ZNF536: variants seen among roughly 807,000 people sequenced by gnomAD.
ZNF536 encodes zinc finger protein 536.
ZNF536 carries 13 observed loss-of-function variants against 84.5 expected under a neutral mutation model. The observed-to-expected ratio is 0.15, with a 90% CI of 0.10 to 0.24. The LOEUF is 0.24. Ranked by LOEUF, ZNF536 falls within the 10% of genes least tolerant of loss-of-function variation. The pLI, the probability that ZNF536 is intolerant of heterozygous loss-of-function variation, is 1.00. For missense variants in ZNF536, 1,536 were observed against 1,747.5 expected (o/e 0.88, Z 2.16); for synonymous variants, 811 against 742.5 (o/e 1.09, Z -1.50).
intron 2 of ZNF536, among the ~76,000 whole-genome samples, chr19:30,458,447 GTTTT>G (rs3084731): frequency 1.2e-4 from 10 of 83,486 alleles, no homozygotes; most frequent in South Asian, 4.3e-4. Context: ...ATTTCCTGCT[GTTTT>G]TTTTTTTTTT....
chr19:30,399,811 C>T (rs2049974357), intron 1 of ZNF536, among the ~76,000 whole-genome samples: 2 of 151,846 alleles, frequency 1.3e-5, no homozygotes, highest in South Asian at 4.2e-4. Context: ...CCTCAGCCTC[C>T]CAAGTAGCTG....
chr19:30,236,820 G>A (rs1438458994), intron 1 of ZNF536, among the ~76,000 whole-genome samples: 1 of 152,158 alleles, frequency 6.6e-6, no homozygotes, highest in Non-Finnish European at 1.5e-5. Context: ...CTTTGGAGGG[G>A]GGTGGTAGGG....
At chr19:30,272,469 T>A (rs902611236) in intron 1 of ZNF536, among the ~76,000 whole-genome samples, 1 of 152,232 alleles carries the variant, frequency 6.6e-6, no homozygotes, top group Non-Finnish European at 1.5e-5. Flanking sequence ...TCACTCTTTG[T>A]GTTGGACATT....
At chr19:30,231,879 A>G (rs866657486) in intron 1 of ZNF536, among the ~76,000 whole-genome samples, 18 of 152,052 alleles carry the variant, frequency 1.2e-4, no homozygotes, top group Non-Finnish European at 1.5e-5. Flanking sequence ...TTGTTCTGAG[A>G]TGATTTCCTT....
chr19:30,495,861 G>A (rs905735035), intron 2 of ZNF536, among the ~76,000 whole-genome samples: 21 of 152,192 alleles, frequency 1.4e-4, no homozygotes, highest in African/African-American at 3.6e-4. Flanking sequence ...AGTAGAGGCC[G>A]GGGAGGGAGT....
chr19:30,275,840 A>AGTGT lies in ZNF536; in HGVS notation c.-189-8215_-189-8212dup, dbSNP rs35955842. 8.2e-3 allele frequency among the ~76,000 whole-genome samples: 1,237 copies of AGTGT among 150,262 alleles called. 21 individuals carry two copies. The highest frequency in any genetic ancestry group is 0.025 in the African/African-American group (1,022 of 40,916). On this transcript the variant is annotated intron_variant, in intron 1 of 5. Transcript: ENST00000585628. ...AGCCCTCAGAAGGTGTGTGTGTGTG[A>AGTGT]GTGTGTGTGTGTGTGTGTGTAAATA...
intron 1 of ZNF536, among the ~76,000 whole-genome samples, chr19:30,593,607 T>G (rs888565192): frequency 9.2e-5 from 14 of 152,216 alleles, no homozygotes; most frequent in Non-Finnish European, 1.9e-4. Flanking sequence ...CGAGGCAGCC[T>G]TGGCTCTGAC....
At chr19:30,337,910 G>A (rs1392339871) in intron 2 of ZNF536, among the ~76,000 whole-genome samples, 1 of 152,000 alleles carries the variant, frequency 6.6e-6, no homozygotes, top group Non-Finnish European at 1.5e-5. Context: ...TGATGATGAT[G>A]ATGATGACAA....
rs77229892 is a variant in ZNF536 at position 30,635,196 on chromosome 19, T to G, written c.170-75561T>G. 9.2e-3 allele frequency among the ~76,000 whole-genome samples: 1,400 copies of G among 152,280 alleles called. 11 individuals carry two copies. The highest frequency in any genetic ancestry group is 0.017 in the Middle Eastern group (5 of 294). On this transcript the variant is annotated intron_variant, in intron 1 of 1. Transcript: ENST00000592773. ...CCAAACGTTCAGGCACTTTCCATTC[T>G]CTGAAGGATTCCCATCCCAAACAAC...
chr19:30,460,425 A>G (rs2053080511), intron 2 of ZNF536, among the ~76,000 whole-genome samples: 1 of 152,136 alleles, frequency 6.6e-6, no homozygotes, highest in Admixed American at 6.5e-5. Context: ...AGGATACCTG[A>G]AGAGGTGTCC....
At chr19:30,270,586 C>T (rs2025774184) in intron 1 of ZNF536, among the ~76,000 whole-genome samples, 1 of 152,186 alleles carries the variant, frequency 6.6e-6, no homozygotes, top group East Asian at 1.9e-4. Flanking sequence ...ACCCATTATT[C>T]CCAAAGCTTG....
intron 2 of ZNF536, among the ~76,000 whole-genome samples, chr19:30,454,651 G>A (rs2052754472): frequency 6.6e-6 from 1 of 152,238 alleles, no homozygotes; most frequent in Non-Finnish European, 1.5e-5. Flanking sequence ...CATAATCCCT[G>A]TTGAGAGAGA....
intron 1 of ZNF536, among the ~76,000 whole-genome samples, chr19:30,245,165 C>T (rs559226786): frequency 1.2e-3 from 179 of 152,336 alleles, no homozygotes; most frequent in Middle Eastern, 0.01. Context: ...CCCCCTCATC[C>T]TCACCTTTTA....
chr19:30,510,714 C>G (rs1356492130), intron 2 of ZNF536, among the ~76,000 whole-genome samples: 2 of 152,200 alleles, frequency 1.3e-5, no homozygotes, highest in African/African-American at 2.4e-5. Context: ...GTAGGTGGCT[C>G]TCAGCCCAGA....
chr19:30,417,064 C>A (rs754036387), intron 1 of ZNF536, among the ~76,000 whole-genome samples: 16 of 151,880 alleles, frequency 1.1e-4, no homozygotes, highest in Non-Finnish European at 1.8e-4. Flanking sequence ...GCTTCTACCT[C>A]CTGGGTTCAA....
intron 1 of ZNF536, among the ~76,000 whole-genome samples, chr19:30,589,866 G>T (rs967577245): frequency 7.9e-5 from 12 of 152,176 alleles, no homozygotes; most frequent in African/African-American, 2.9e-4. Context: ...AAAAATGTCT[G>T]CAGACAGAAA....
At chr19:30,283,812 A>C (rs1198893066) in intron 1 of ZNF536, among the ~76,000 whole-genome samples, 2 of 152,144 alleles carry the variant, frequency 1.3e-5, no homozygotes, top group East Asian at 1.9e-4. Context: ...AGAGAAGATA[A>C]GAGATGGTTA....
chr19:30,427,465 A>G (rs1043552963), intron 1 of ZNF536, among the ~76,000 whole-genome samples: 2 of 152,194 alleles, frequency 1.3e-5, no homozygotes, highest in African/African-American at 2.4e-5. Flanking sequence ...GAGTTATCCC[A>G]AGGGTGCAGG....
At chr19:30,344,174 A>C (rs1333350531) in intron 2 of ZNF536, among the ~76,000 whole-genome samples, 1 of 151,480 alleles carries the variant, frequency 6.6e-6, no homozygotes, top group Non-Finnish European at 1.5e-5. Context: ...CCAGTGGCCC[A>C]CACCTATAAT....
Sources: gnomAD v4.1 joint callset for allele counts (sites outside exome capture counted in the v4.1 genomes callset) on GRCh38, gnomAD v4.1.1 for gene constraint, MANE v1.5 for transcripts, NCBI Gene and HGNC (gene_info 2026-07-23, HGNC 2026-07-21) for gene names.